ABCG5: variants seen among roughly 807,000 people sequenced by gnomAD.
ABCG5 encodes the protein ATP binding cassette subfamily G member 5.
In ABCG5, 64 loss-of-function variants were observed where a neutral mutation model predicts 64.5. The ratio of observed to expected loss-of-function variants is 0.99; its 90% confidence interval spans 0.81 to 1.22. The LOEUF (loss-of-function observed/expected upper bound fraction) is 1.22. Among genes scored for constraint, ABCG5 ranks in the 50% most tolerant of loss-of-function variants. The pLI, the probability that ABCG5 is intolerant of heterozygous loss-of-function variation, is 0.00. For missense variants in ABCG5, 908 were observed against 829.5 expected (o/e 1.09, Z -1.16); for synonymous variants, 385 against 326.3 (o/e 1.18, Z -1.94).
chr2:43,839,154 G>A (rs764268954), upstream of ABCG5: 55 of 1,548,492 alleles, frequency 3.6e-5, no homozygotes, highest in Non-Finnish European at 4.4e-5. Context: ...GGCCTGGTGG[G>A]CGGGTAGGAG....
At chr2:43,836,643 G>A (rs1668286365) in intron 2 of ABCG5, among the ~76,000 whole-genome samples, 1 of 152,118 alleles carries the variant, frequency 6.6e-6, no homozygotes, top group East Asian at 1.9e-4. Context: ...ATTGCCCTCG[G>A]CCACAAGGAG....
Position 43,820,319 on chromosome 2 carries a change from C to T in ABCG5, c.1464-219G>A, listed in dbSNP as rs17031675. ...TTGGCTGCAACTCATTGGGAGCCAC[C>T]TTTTCCCTTTCACGGCTCCTTCAGC... On this transcript the variant is annotated intron_variant, in intron 10 of 12. Transcript: ENST00000405322. 0.012 allele frequency among the ~76,000 whole-genome samples: 1,873 copies of T among 152,272 alleles called. 45 individuals are homozygous for T. The highest frequency in any genetic ancestry group is 0.041 in the African/African-American group (1,722 of 41,540).
chr2:43,809,017 C>G (rs1666380899), downstream of ABCG5, among the ~76,000 whole-genome samples: 1 of 151,604 alleles, frequency 6.6e-6, no homozygotes, highest in South Asian at 2.1e-4. Context: ...GTGACAGGAT[C>G]TCACTCTGTC....
intron 7 of ABCG5, 142 bp from the exon 8 acceptor site, chr2:43,824,574 CAG>C (rs1449224587): frequency 1.3e-6 from 2 of 1,556,026 alleles, no homozygotes; most frequent in Admixed American, 3.8e-5. Context: ...CCTATAAAAT[CAG>C]AATACTTTAA....
the ABCG5 span, among the ~76,000 whole-genome samples, chr2:43,806,308 G>T: frequency 6.6e-6 from 1 of 152,206 alleles, no homozygotes; most frequent in Non-Finnish European, 1.5e-5. Flanking sequence ...GAAAGCCCCA[G>T]CAACTTCTCA....
Position 43,813,269 on chromosome 2 carries a change from G to A in ABCG5, c.1803C>T (p.Ala601=). The A allele has an allele frequency of 1.2e-6, 2 of 1,613,916 alleles. No individual in the cohort carries two copies. The highest frequency in any genetic ancestry group is 2.2e-5 in the East Asian group (1 of 44,870). ...CAATGAATTGAATTCCTTGAGTGAA[G>A]GCACACATTGGATTAGTTGTCACAG... ...NVSVTTNPMC[A]FTQGIQFIEK... The change falls in exon 13 of 13, where the codon GCC becomes GCT. Residue 601 remains alanine (A), a synonymous_variant. Coordinates refer to ENST00000405322, the MANE Select transcript of ABCG5 (RefSeq NM_022436.3).
At chr2:43,809,759 G>T, downstream of ABCG5, 1 of 1,611,444 alleles carries the variant, frequency 6.2e-7, no homozygotes. Context: ...AATCGAGCTT[G>T]ATTCTTGAAC....
intron 2 of ABCG5, among the ~76,000 whole-genome samples, chr2:43,833,691 T>G (rs1433362865): frequency 7.2e-6 from 1 of 138,684 alleles, no homozygotes; most frequent in East Asian, 2.2e-4. Flanking sequence ...GCCCTTTATT[T>G]ATTTATTTAT....
At chr2:43,834,809 C>T (rs554249217) in intron 2 of ABCG5, among the ~76,000 whole-genome samples, 2 of 152,210 alleles carry the variant, frequency 1.3e-5, no homozygotes, top group African/African-American at 2.4e-5. Flanking sequence ...AGTTGGAGTT[C>T]CCCTGGAGTT....
At chr2:43,826,765 G>T (rs1212495234) in intron 5 of ABCG5, among the ~76,000 whole-genome samples, 1 of 152,210 alleles carries the variant, frequency 6.6e-6, no homozygotes, top group Non-Finnish European at 1.5e-5. Flanking sequence ...GGAGTAAGGA[G>T]ATCAGGCCTC....
chr2:43,834,895 C>T lies in ABCG5; in HGVS notation c.266-2812G>A, dbSNP rs573354796. Among the ~76,000 whole-genome samples, 12 of 152,244 alleles carry T rather than the reference C, an allele frequency of 7.9e-5. No individual in the cohort carries two copies. The South Asian group carries it at 1.2e-3, about 16-fold the overall frequency. ...ACGTATATGTCATCATCTTTTGCCT[C>T]GCTAATGAAGATTTGATAGATAATA... On this transcript the variant is annotated intron_variant, in intron 2 of 12. Transcript: ENST00000405322.
At chr2:43,823,870 A>T (rs1667412310) in intron 9 of ABCG5, 43 bp downstream of exon 9, 2 of 1,597,270 alleles carry the variant, frequency 1.3e-6, no homozygotes, top group African/African-American at 1.3e-5. Context: ...GAAGGGAGGT[A>T]TTTAGGGAGA....
intron 4 of ABCG5, among the ~76,000 whole-genome samples, chr2:43,831,285 G>A (rs920689064): frequency 6.6e-6 from 1 of 152,116 alleles, no homozygotes; most frequent in Non-Finnish European, 1.5e-5. Flanking sequence ...AGATCCTCCT[G>A]CCTCAGCCTC....
At chr2:43,806,892 C>G in the ABCG5 span, among the ~76,000 whole-genome samples, 1 of 151,946 alleles carries the variant, frequency 6.6e-6, no homozygotes, top group Non-Finnish European at 1.5e-5. Flanking sequence ...TCTCTTGGTT[C>G]GAGATTTTTT....
chr2:43,834,875 T>C (rs1443613903), intron 2 of ABCG5, among the ~76,000 whole-genome samples: 1 of 152,262 alleles, frequency 6.6e-6, no homozygotes, highest in Non-Finnish European at 1.5e-5. Context: ...TTTGAACGTA[T>C]ATGTCATCAT....
In ABCG5 at chr2:43,824,447, C is replaced by T. The variant is rs753248302; in HGVS notation, c.905-15G>A. ...CGTCAGGTCCACTAAAAGTTTTTCCCAAAAGATGTCACCCATGTGTTTTTA... is the reference window on the plus strand; with the variant it reads ...CGTCAGGTCCACTAAAAGTTTTTCCTAAAAGATGTCACCCATGTGTTTTTA... On this transcript the variant is annotated splice_polypyrimidine_tract_variant and intron_variant, in intron 7 of 12. Transcript: ENST00000405322. The T allele has an allele frequency of 6.2e-7, 1 of 1,612,836 alleles. No homozygotes were observed. Among genetic ancestry groups the T allele is most frequent in the East Asian group, 2.2e-5 (1 of 44,872 alleles).
chr2:43,808,882 G>A (rs897091455), downstream of ABCG5, among the ~76,000 whole-genome samples: 1 of 151,928 alleles, frequency 6.6e-6, no homozygotes, highest in Non-Finnish European at 1.5e-5. Flanking sequence ...AGAGCAATGG[G>A]TTTCCTTCTT....
At chr2:43,820,158 C>T (rs1667094879) in intron 10 of ABCG5, 58 bp from the exon 11 acceptor site, 3 of 1,546,080 alleles carry the variant, frequency 1.9e-6, no homozygotes, top group Non-Finnish European at 2.6e-6. Flanking sequence ...AAGAAAAATA[C>T]TGCACTTGCC....
At position 43,813,707 on chromosome 2, in the gene ABCG5, TCG is replaced by T. The variant is rs373077679; in HGVS notation, c.1763-400_1763-399del. Among the ~76,000 whole-genome samples the T allele has an allele frequency of 2.0e-3, 241 of 123,378 alleles. 1 individual carries two copies. The highest frequency in any genetic ancestry group is 5.2e-3 in the African/African-American group (153 of 29,560). 80.9% of individuals were successfully genotyped at this position (123,378 alleles called of 152,430 possible). On this transcript the variant is annotated intron_variant, in intron 12 of 12. Coordinates refer to ENST00000405322, the MANE Select transcript of ABCG5 (RefSeq NM_022436.3). ...TTTGTTTTTTTTGGGGTTTTTTTTT[TCG>T]TTTTTTTTTTTTTTTTTTTTTTTTT...
Sources: gnomAD v4.1 joint callset for allele counts (sites outside exome capture counted in the v4.1 genomes callset) on GRCh38, gnomAD v4.1.1 for gene constraint, MANE v1.5 for transcripts, NCBI Gene and HGNC (gene_info 2026-07-23, HGNC 2026-07-21) for gene names.